Variants in CARF observed in about 807,000 individuals in gnomAD.
The protein encoded by CARF is calcium-responsive transcription factor.
A neutral mutation model predicts 82.0 loss-of-function variants in CARF; 57 were observed. The observed-to-expected ratio is 0.70, with a 90% CI of 0.56 to 0.87. The LOEUF (loss-of-function observed/expected upper bound fraction) is 0.87, where lower values mean the gene tolerates loss of function less well. Among genes scored for constraint, CARF ranks in the 40% least tolerant of loss-of-function variants. The pLI, the probability that CARF is intolerant of heterozygous loss-of-function variation, is 0.00. For synonymous variants in CARF, 268 were observed against 290.1 expected, an observed-to-expected ratio of 0.92 and a Z score of 0.77; for missense variants, 771 against 855.8, an observed-to-expected ratio of 0.90 and a Z score of 1.24.
intron 1 of CARF, among the ~76,000 whole-genome samples, chr2:202,914,994 G>A (rs1689347716): frequency 6.6e-6 from 1 of 151,576 alleles, no homozygotes; most frequent in Non-Finnish European, 1.5e-5. Flanking sequence ...TTTTTTGGTG[G>A]TGGTGGTGGT....
chr2:202,929,935 C>T (rs1239722807), intron 3 of CARF, among the ~76,000 whole-genome samples: 2 of 151,992 alleles, frequency 1.3e-5, no homozygotes, highest in South Asian at 2.1e-4. Context: ...TGTTGATCGC[C>T]TTTGGTAGTA....
rs377325328 is a variant in CARF at position 202,974,472 on chromosome 2, T to C, written c.1470T>C (p.Tyr490=). 6.2e-7 allele frequency: 1 copy of C among 1,602,706 alleles called. No individual in the cohort carries two copies. The highest frequency in any genetic ancestry group is 1.3e-5 in the African/African-American group (1 of 74,176). The part of the protein sequence containing the change: ...QKSLRNGDTV[Y]NSEIIPATLQ... ...CCTTGAGAAATGGAGATACGGTATA[T>C]AACTCAGAGATTATTCCAGCAACGG... Residue 490 remains tyrosine, a synonymous_variant, in exon 13 of 17, where the codon TAT becomes TAC. Coordinates refer to ENST00000438828, the MANE Select transcript of CARF (RefSeq NM_024744.17).
chr2:202,937,495 A>T (rs998743351), intron 3 of CARF, among the ~76,000 whole-genome samples: 2 of 151,948 alleles, frequency 1.3e-5, no homozygotes, highest in African/African-American at 4.8e-5. Context: ...TTATTCAGTT[A>T]CCTAACAGGT....
Position 202,974,482 on chromosome 2 carries a change from A to T in CARF, c.1480A>T (p.Ile494Phe). The change falls in exon 13 of 17, where the codon ATT becomes TTT. Residue 494 changes from isoleucine (I) to phenylalanine (F), a missense_variant. Physicochemically the swap from Ile to Phe is conservative, Grantham distance 21. Transcript: ENST00000438828. The stretch of plus-strand genomic sequence containing the variant: ...TGGAGATACGGTATATAACTCAGAG[A>T]TTATTCCAGCAACGGTATGATTACA... ...RNGDTVYNSE[I>F]IPATLQWTTD... 1.3e-6 allele frequency: 2 copies of T among 1,598,744 alleles called. No individual in the cohort carries two copies. The highest frequency in any genetic ancestry group is 8.5e-7 in the Non-Finnish European group (1 of 1,176,064).
intron 13 of CARF, among the ~76,000 whole-genome samples, chr2:202,975,093 C>G (rs1201388787): frequency 2.6e-5 from 4 of 151,612 alleles, no homozygotes; most frequent in African/African-American, 4.8e-5. Flanking sequence ...GGCAGATCAC[C>G]TGAGGTCAGG....
At chr2:202,939,566 C>G (rs72926772) in intron 3 of CARF, among the ~76,000 whole-genome samples, 1 of 151,436 alleles carries the variant, frequency 6.6e-6, no homozygotes, top group Non-Finnish European at 1.5e-5. Flanking sequence ...CTTTGTCATA[C>G]ATTTTATGTT....
At chr2:202,940,272 G>A (rs571331572) in intron 3 of CARF, among the ~76,000 whole-genome samples, 1 of 151,824 alleles carries the variant, frequency 6.6e-6, no homozygotes, top group Non-Finnish European at 1.5e-5. Flanking sequence ...GACCACAAGC[G>A]ATCCACCTAC....
At chr2:202,980,983 C>A (rs2105943157) in intron 14 of CARF, among the ~76,000 whole-genome samples, 1 of 152,070 alleles carries the variant, frequency 6.6e-6, no homozygotes, top group Non-Finnish European at 1.5e-5. Context: ...GAGGGACAAT[C>A]CCATTCTAGA....
chr2:202,956,820 G>A (rs1225688000), intron 8 of CARF, among the ~76,000 whole-genome samples: 4 of 151,552 alleles, frequency 2.6e-5, no homozygotes, highest in Admixed American at 6.6e-5. Flanking sequence ...ATGGAGTCTC[G>A]CTCTGTCACG....
At chr2:202,946,392 A>G (rs1222793679) in intron 5 of CARF, among the ~76,000 whole-genome samples, 1 of 152,170 alleles carries the variant, frequency 6.6e-6, no homozygotes, top group Non-Finnish European at 1.5e-5. Context: ...AAAACAAGAA[A>G]TGGGGAAAGG....
chr2:202,934,893 T>C (rs1449876049), intron 3 of CARF, among the ~76,000 whole-genome samples: 1 of 151,608 alleles, frequency 6.6e-6, no homozygotes, highest in Non-Finnish European at 1.5e-5. Flanking sequence ...CTGGCCAACA[T>C]GGTGAAACCC....
intron 13 of CARF, among the ~76,000 whole-genome samples, chr2:202,974,978 C>T (rs2059963677): frequency 1.3e-5 from 2 of 152,032 alleles, no homozygotes; most frequent in South Asian, 4.1e-4. Context: ...TTTTTTATTA[C>T]TTTCACAAGA....
rs1440021232 is a variant in CARF at position 202,924,982 on chromosome 2, C to T, written c.-44+567C>T. The T allele has an allele frequency of 1.1e-5, 4 of 348,358 alleles. No homozygotes were observed. In the Admixed American group the frequency reaches 1.3e-4, roughly 11 times the overall value. The allele number at this position is 348,358 out of a possible 1,614,324, so 21.6% of individuals were successfully genotyped here. On this transcript the variant is annotated intron_variant, in intron 3 of 16. Transcript: ENST00000438828. ...TGAGAAGGTACCCTTCCTGGAGCAG[C>T]AGAACAAGATACTGGAGACCAAGTG... is the stretch of plus-strand genomic sequence containing the variant.
intron 3 of CARF, among the ~76,000 whole-genome samples, chr2:202,940,768 T>G (rs2058192547): frequency 6.6e-6 from 1 of 152,152 alleles, no homozygotes. Flanking sequence ...TGGGGAAAGT[T>G]TCCTCTTTGT....
In CARF at chr2:202,979,449, G is replaced by A. The variant is rs143637803; in HGVS notation, c.1559-2106G>A. Among the ~76,000 whole-genome samples, 294 of 152,156 alleles carry A rather than the reference G, an allele frequency of 1.9e-3. 1 individual carries two copies. The highest frequency in any genetic ancestry group is 6.6e-3 in the African/African-American group (275 of 41,526). On this transcript the variant is annotated intron_variant, in intron 14 of 16. Coordinates refer to ENST00000438828, the MANE Select transcript of CARF (RefSeq NM_024744.17). ...TGATTGCTGTTTAGTCCTCTCAGTG[G>A]TCCATTGAGAAAGGACTCTTAAGCT... is the stretch of plus-strand genomic sequence containing the variant.
At position 202,988,161 on chromosome 2, in the gene CARF, G is replaced by A. The variant is rs184549530; in HGVS notation, c.*4537G>A. ...TAAATCATTTATCTGCTGCTGAGTAGAACTGCATTTTATGAATATATCAAT... is the reference window on the plus strand; with the variant it reads ...TAAATCATTTATCTGCTGCTGAGTAAAACTGCATTTTATGAATATATCAAT... On this transcript the variant is annotated 3_prime_UTR_variant, in exon 17 of 17. Transcript: ENST00000438828. Among the ~76,000 whole-genome samples the A allele has an allele frequency of 2.2e-3, 331 of 152,254 alleles. No homozygotes were observed. The highest frequency in any genetic ancestry group is 7.0e-3 in the African/African-American group (292 of 41,558).
At chr2:202,961,556 A>G in intron 9 of CARF, 130 bp downstream of exon 9, 2 of 735,398 alleles carry the variant, frequency 2.7e-6, no homozygotes. Context: ...ATTAAAATGC[A>G]TATTAAATTG....
At chr2:202,920,817 C>T (rs923677218) in intron 2 of CARF, among the ~76,000 whole-genome samples, 10 of 152,118 alleles carry the variant, frequency 6.6e-5, no homozygotes, top group South Asian at 6.2e-4. Flanking sequence ...ATAGATATTT[C>T]ATTTTTAATA....
intron 9 of CARF, chr2:202,962,618 T>C (rs2059370615): frequency 6.6e-6 from 1 of 152,258 alleles, no homozygotes; most frequent in Admixed American, 6.5e-5. Flanking sequence ...TGTATCGTTC[T>C]AGTCTGTATT....
Sources: gnomAD v4.1 joint callset for allele counts (sites outside exome capture counted in the v4.1 genomes callset) on GRCh38, gnomAD v4.1.1 for gene constraint, MANE v1.5 for transcripts, NCBI Gene and HGNC (gene_info 2026-07-23, HGNC 2026-07-21) for gene names.